Variants in C1QTNF3 observed in about 807,000 individuals in gnomAD.
C1QTNF3 encodes the protein complement C1q tumor necrosis factor-related protein 3.
C1QTNF3 carries 26 observed loss-of-function variants against 32.6 expected under a neutral mutation model. The observed-to-expected ratio is 0.80, with a 90% CI of 0.58 to 1.11. C1QTNF3 has a LOEUF of 1.11. Among genes scored for constraint, C1QTNF3 ranks in the 50% least tolerant of loss-of-function variants. The pLI is 0.00. For missense variants in C1QTNF3, 362 were observed against 398.2 expected, an observed-to-expected ratio of 0.91 and a Z score of 0.77; for synonymous variants, 155 against 146.0, an observed-to-expected ratio of 1.06 and a Z score of -0.44.
chr5:34,241,486 TACA>T, the C1QTNF3 span, among the ~76,000 whole-genome samples: 4 of 150,496 alleles, frequency 2.7e-5, no homozygotes, highest in Admixed American at 6.6e-5. Flanking sequence ...AGCATTTCTA[TACA>T]ACAACAACAT....
chr5:34,237,243 G>A, the C1QTNF3 span, among the ~76,000 whole-genome samples: 6 of 152,028 alleles, frequency 3.9e-5, no homozygotes, highest in Non-Finnish European at 4.4e-5. Flanking sequence ...GTAATTTTAC[G>A]GGTAAAATGA....
At chr5:34,038,021 A>T (rs998501042) in intron 1 of C1QTNF3, among the ~76,000 whole-genome samples, 2 of 152,226 alleles carry the variant, frequency 1.3e-5, no homozygotes, top group African/African-American at 4.8e-5. Context: ...TGGAATGGAA[A>T]TACTGAGATG....
chr5:34,157,159 T>G, the C1QTNF3 span, among the ~76,000 whole-genome samples: 1 of 152,204 alleles, frequency 6.6e-6, no homozygotes, highest in East Asian at 1.9e-4. Context: ...TCTTCTGTTT[T>G]CAATTACTGA....
chr5:34,096,250 G>T, the C1QTNF3 span, among the ~76,000 whole-genome samples: 1 of 152,058 alleles, frequency 6.6e-6, no homozygotes, highest in East Asian at 1.9e-4. Context: ...CATTCAGGTT[G>T]CCATAACACA....
chr5:34,134,210 G>A, the C1QTNF3 span, among the ~76,000 whole-genome samples: 1 of 152,028 alleles, frequency 6.6e-6, no homozygotes, highest in Non-Finnish European at 1.5e-5. Flanking sequence ...TTAATGACTG[G>A]CTTTCTATTG....
the C1QTNF3 span, among the ~76,000 whole-genome samples, chr5:34,059,427 A>G: frequency 6.6e-6 from 1 of 152,132 alleles, no homozygotes; most frequent in East Asian, 1.9e-4. Flanking sequence ...GGCTTAAGCA[A>G]CAAGTATTTA....
the C1QTNF3 span, among the ~76,000 whole-genome samples, chr5:34,237,286 C>T: frequency 6.6e-6 from 1 of 151,940 alleles, no homozygotes; most frequent in South Asian, 2.1e-4. Context: ...CACGTAACAC[C>T]CTCCTTGAGC....
the C1QTNF3 span, among the ~76,000 whole-genome samples, chr5:34,131,156 T>C: frequency 5.3e-5 from 8 of 152,314 alleles, no homozygotes; most frequent in Non-Finnish European, 5.9e-5. Context: ...TAATGAAATA[T>C]TCCATTTAAC....
the C1QTNF3 span, among the ~76,000 whole-genome samples, chr5:34,232,467 G>A: frequency 6.6e-6 from 1 of 152,068 alleles, no homozygotes; most frequent in Non-Finnish European, 1.5e-5. Flanking sequence ...ATCTCAAATT[G>A]TAATCCCCTC....
At chr5:34,036,144 A>G (rs1289004616) in intron 1 of C1QTNF3, among the ~76,000 whole-genome samples, 1 of 152,222 alleles carries the variant, frequency 6.6e-6, no homozygotes, top group Non-Finnish European at 1.5e-5. Flanking sequence ...ATGTAGCTAA[A>G]TTGAGTAGAT....
chr5:34,244,492 G>A, the C1QTNF3 span: 1 of 152,156 alleles, frequency 6.6e-6, no homozygotes, highest in African/African-American at 2.4e-5. Flanking sequence ...TTCATAGAGA[G>A]CTGATGGGTT....
the C1QTNF3 span, among the ~76,000 whole-genome samples, chr5:34,120,803 A>T: frequency 6.6e-6 from 1 of 152,212 alleles, no homozygotes; most frequent in Non-Finnish European, 1.5e-5. Context: ...TTTCTTTTGT[A>T]AATTGCCCAG....
At position 34,020,045 on chromosome 5, in the gene C1QTNF3, G is replaced by C. The variant is rs935870913; in HGVS notation, c.*538C>G. 2.6e-5 allele frequency: 4 copies of C among 152,936 alleles called. No homozygotes were observed. The highest frequency in any genetic ancestry group is 9.7e-5 in the African/African-American group (4 of 41,438). 9.5% of individuals were successfully genotyped at this position (152,936 alleles called of 1,614,324 possible). ...AAATAGCATTGTATGTGAATTCAGA[G>C]TTTTAATGTATTTTGTGGATCAAAA... On this transcript the variant is annotated 3_prime_UTR_variant, in exon 6 of 6. Transcript: ENST00000382065.
At chr5:34,050,190 A>G in the C1QTNF3 span, among the ~76,000 whole-genome samples, 3 of 152,160 alleles carry the variant, frequency 2.0e-5, no homozygotes, top group African/African-American at 7.2e-5. Flanking sequence ...CCACATCCCC[A>G]GTTCCTCCAA....
At chr5:34,134,853 C>T in the C1QTNF3 span, among the ~76,000 whole-genome samples, 3 of 152,134 alleles carry the variant, frequency 2.0e-5, no homozygotes, top group Non-Finnish European at 4.4e-5. Context: ...AAATATACAA[C>T]CATGTCATCT....
chr5:34,084,279 A>G, the C1QTNF3 span, among the ~76,000 whole-genome samples: 2 of 151,882 alleles, frequency 1.3e-5, no homozygotes, highest in African/African-American at 4.9e-5. Flanking sequence ...CCGGATCTCT[A>G]TATGTCTGAA....
chr5:34,047,745 T>C (rs1755011023), upstream of C1QTNF3, among the ~76,000 whole-genome samples: 1 of 152,296 alleles, frequency 6.6e-6, no homozygotes, highest in African/African-American at 2.4e-5. Context: ...TGAGATGAGG[T>C]AGTTTAGCTG....
the C1QTNF3 span, among the ~76,000 whole-genome samples, chr5:34,121,671 A>G: frequency 1.6e-4 from 24 of 152,272 alleles, no homozygotes; most frequent in African/African-American, 4.6e-4. Flanking sequence ...GCATTTGTAA[A>G]TATTTGCACA....
the C1QTNF3 span, among the ~76,000 whole-genome samples, chr5:34,075,876 GGTGTGTGTGT>G: frequency 1.3e-4 from 19 of 147,034 alleles, no homozygotes; most frequent in South Asian, 2.8e-3. Context: ...AAACAATTAT[GGTGTGTGTGT>G]GTGTGTGTGT....
Sources: gnomAD v4.1 joint callset for allele counts (sites outside exome capture counted in the v4.1 genomes callset) on GRCh38, gnomAD v4.1.1 for gene constraint, MANE v1.5 for transcripts, NCBI Gene and HGNC (gene_info 2026-07-23, HGNC 2026-07-21) for gene names.